GABRB2: variants seen among roughly 807,000 people sequenced by gnomAD.
GABRB2 encodes the protein gamma-aminobutyric acid receptor subunit beta-2.
Under a neutral mutation model 54.7 loss-of-function variants are expected in GABRB2, and 16 were observed. The ratio of observed to expected loss-of-function variants is 0.29; its 90% CI spans 0.20 to 0.44. GABRB2 has a LOEUF of 0.44. Ranked by LOEUF, GABRB2 falls within the 20% of genes least tolerant of loss-of-function variation. GABRB2 has a pLI of 1.00. For synonymous variants in GABRB2, 244 were observed against 233.8 expected, an observed-to-expected ratio of 1.04 and a Z score of -0.40; for missense variants, 355 against 644.0, an observed-to-expected ratio of 0.55 and a Z score of 4.86.
chr5:161,440,140 A>C (rs1685467107), intron 4 of GABRB2, among the ~76,000 whole-genome samples: 1 of 152,068 alleles, frequency 6.6e-6, no homozygotes, highest in Non-Finnish European at 1.5e-5. Flanking sequence ...ATATCCAGAG[A>C]AAATCACCTT....
intron 5 of GABRB2, among the ~76,000 whole-genome samples, chr5:161,367,407 AGTTATTATTGTT>A (rs1002761881): frequency 1.3e-5 from 2 of 152,206 alleles, no homozygotes; most frequent in East Asian, 1.9e-4. Context: ...AATCAGTGTT[AGTTATTATTGTT>A]GTTATTATTG....
At chr5:161,540,869 C>A (rs1025968744) in intron 3 of GABRB2, among the ~76,000 whole-genome samples, 1 of 151,974 alleles carries the variant, frequency 6.6e-6, no homozygotes, top group South Asian at 2.1e-4. Flanking sequence ...TATTTTGAGA[C>A]AAGTTCTCAC....
intron 3 of GABRB2, among the ~76,000 whole-genome samples, chr5:161,484,692 T>C (rs1408762165): frequency 2.0e-5 from 3 of 152,040 alleles, no homozygotes; most frequent in Non-Finnish European, 4.4e-5. Context: ...ACTCTACATA[T>C]ACAATGAATT....
At chr5:161,356,863 C>A (rs1189852073) in intron 5 of GABRB2, among the ~76,000 whole-genome samples, 2 of 152,150 alleles carry the variant, frequency 1.3e-5, no homozygotes, top group Non-Finnish European at 2.9e-5. Context: ...TCTTGGGCAT[C>A]CTATTCTGGG....
At chr5:161,377,814 G>A (rs534077712) in intron 5 of GABRB2, among the ~76,000 whole-genome samples, 8 of 152,002 alleles carry the variant, frequency 5.3e-5, no homozygotes, top group South Asian at 2.1e-4. Flanking sequence ...AATTTGGTAC[G>A]TGAATCTAAT....
At chr5:161,305,172 G>A (rs1012680353) in intron 9 of GABRB2, among the ~76,000 whole-genome samples, 71 of 150,974 alleles carry the variant, frequency 4.7e-4, no homozygotes, top group African/African-American at 1.5e-3. Flanking sequence ...GCCCGCCACC[G>A]CGCCCGGCTA....
intron 4 of GABRB2, among the ~76,000 whole-genome samples, chr5:161,449,433 G>A (rs1405334691): frequency 6.6e-6 from 1 of 152,094 alleles, no homozygotes. Context: ...TCTGCTTTAA[G>A]TGAACTCATT....
chr5:161,547,416 A>G (rs1335767597), upstream of GABRB2, among the ~76,000 whole-genome samples: 1 of 152,156 alleles, frequency 6.6e-6, no homozygotes, highest in African/African-American at 2.4e-5. Flanking sequence ...GGTCTCTTCT[A>G]GTAGTCAAAG....
intron 5 of GABRB2, among the ~76,000 whole-genome samples, chr5:161,362,839 C>T (rs557531830): frequency 6.6e-5 from 10 of 152,244 alleles, no homozygotes; most frequent in Admixed American, 2.0e-4. Context: ...TACCATCTCA[C>T]GCCAACCAGA....
At chr5:161,520,675 C>T (rs1760086362) in intron 3 of GABRB2, among the ~76,000 whole-genome samples, 2 of 152,072 alleles carry the variant, frequency 1.3e-5, no homozygotes, top group Non-Finnish European at 2.9e-5. Flanking sequence ...TAAATGCCAG[C>T]TCTCTGGGTT....
At chr5:161,382,378 T>G (rs1755496751) in intron 5 of GABRB2, among the ~76,000 whole-genome samples, 1 of 152,160 alleles carries the variant, frequency 6.6e-6, no homozygotes, top group African/African-American at 2.4e-5. Context: ...TTCTCCCTGT[T>G]TCCTAGTGCA....
chr5:161,520,023 G>A (rs946998679), intron 3 of GABRB2, among the ~76,000 whole-genome samples: 2 of 151,914 alleles, frequency 1.3e-5, no homozygotes, highest in African/African-American at 4.8e-5. Context: ...TACTATATTA[G>A]ATTTTGCATG....
At chr5:161,453,353 C>T (rs1757848169) in intron 4 of GABRB2, among the ~76,000 whole-genome samples, 1 of 152,074 alleles carries the variant, frequency 6.6e-6, no homozygotes, top group African/African-American at 2.4e-5. Context: ...TGTCTGTGTC[C>T]CACAAATTCA....
At chr5:161,513,260 C>T (rs188520052) in intron 3 of GABRB2, among the ~76,000 whole-genome samples, 24 of 152,062 alleles carry the variant, frequency 1.6e-4, no homozygotes, top group African/African-American at 5.3e-4. Context: ...ACCATTCGAC[C>T]CAGCAATCCC....
At chr5:161,426,218 C>A (rs1408077306) in intron 4 of GABRB2, among the ~76,000 whole-genome samples, 1 of 152,094 alleles carries the variant, frequency 6.6e-6, no homozygotes, top group Non-Finnish European at 1.5e-5. Flanking sequence ...TGCTAATATG[C>A]AAAAGGTCCT....
In GABRB2 at chr5:161,422,483, G is replaced by T. The variant is rs574729911; in HGVS notation, c.459-11426C>A. On this transcript the variant is annotated intron_variant, in intron 4 of 9. Transcript: ENST00000393959. ...TTATTAATAAGTGAAAGTTAAAATA[G>T]CATACAGGAAATCAAGTTGTATAGT... Among the ~76,000 whole-genome samples, 7 of 152,140 alleles carry T rather than the reference G, an allele frequency of 4.6e-5. No individual in the cohort carries two copies. The South Asian group carries it at 1.5e-3, about 32-fold the overall frequency.
At chr5:161,382,284 T>C (rs920914518) in intron 5 of GABRB2, among the ~76,000 whole-genome samples, 2 of 152,176 alleles carry the variant, frequency 1.3e-5, no homozygotes, top group African/African-American at 4.8e-5. Flanking sequence ...GAGCATGTCG[T>C]TATGGACTAA....
At chr5:161,440,073 A>ACC (rs1757423536) in intron 4 of GABRB2, among the ~76,000 whole-genome samples, 1 of 150,358 alleles carries the variant, frequency 6.7e-6, no homozygotes, top group African/African-American at 2.4e-5. Flanking sequence ...AAAAAAAAAA[A>ACC]AAAAAACAAA....
chr5:161,331,561 G>T (rs1180732912), intron 7 of GABRB2, among the ~76,000 whole-genome samples: 1 of 152,054 alleles, frequency 6.6e-6, no homozygotes, highest in Non-Finnish European at 1.5e-5. Context: ...GGGGTCAAAA[G>T]TCATTTTTGA....
Sources: allele counts gnomAD v4.1 joint callset (sites outside exome capture counted in the v4.1 genomes callset), GRCh38; gene constraint gnomAD v4.1.1; transcripts MANE v1.5; gene names NCBI Gene and HGNC (gene_info 2026-07-23, HGNC 2026-07-21).